The following JPH3 variants were observed in gnomAD, a reference collection of about 807,000 sequenced individuals.
The protein encoded by JPH3 is junctophilin-3.
In JPH3, 11 loss-of-function variants were observed where a neutral mutation model predicts 59.6. The observed-to-expected ratio is 0.18, with a 90% CI of 0.12 to 0.31. JPH3 has a LOEUF of 0.31. Ranked by LOEUF, JPH3 falls within the 10% of genes least tolerant of loss-of-function variation. The pLI is 1.00. For synonymous variants in JPH3, 673 were observed against 483.6 expected (o/e 1.39, Z -5.14); for missense variants, 1,202 against 1,105.7 (o/e 1.09, Z -1.24).
At chr16:87,651,647 G>A (rs1035678290) in intron 2 of JPH3, among the ~76,000 whole-genome samples, 2 of 152,268 alleles carry the variant, frequency 1.3e-5, no homozygotes, top group Non-Finnish European at 2.9e-5. Context: ...ATTAGAAGCG[G>A]AGCCTGCCGA....
intron 1 of JPH3, among the ~76,000 whole-genome samples, chr16:87,620,489 GA>G (rs1484086916): frequency 2.1e-5 from 2 of 95,034 alleles, no homozygotes; most frequent in East Asian, 5.8e-4. Context: ...AAGAGAGGGA[GA>G]GGGGGAGGGG....
chr16:87,665,635 G>A (rs1032010645), intron 2 of JPH3, among the ~76,000 whole-genome samples: 3 of 152,222 alleles, frequency 2.0e-5, no homozygotes, highest in African/African-American at 7.2e-5. Context: ...TCACTTGCAG[G>A]TGAGGGTCCT....
chr16:87,651,260 C>T (rs928767748), intron 2 of JPH3, among the ~76,000 whole-genome samples: 3 of 152,164 alleles, frequency 2.0e-5, no homozygotes, highest in African/African-American at 7.2e-5. Context: ...TACTACTCAC[C>T]CCGGAGCGCC....
chr16:87,673,007 G>A lies in JPH3; in HGVS notation c.1161-11135G>A, dbSNP rs149714439. On this transcript the variant is annotated intron_variant, in intron 2 of 4. Coordinates refer to ENST00000284262, the MANE Select transcript of JPH3 (RefSeq NM_020655.4). ...TAAAAATACAAAAAATTACCTTTGC[G>A]TGGTAGCACGTGCACGTAATCCCGG... Among the ~76,000 whole-genome samples the A allele has an allele frequency of 1.2e-4, 18 of 152,206 alleles. No homozygotes were observed. The East Asian group carries it at 3.3e-3, about 28-fold the overall frequency.
chr16:87,686,050 C>T (rs1393392576), intron 3 of JPH3, among the ~76,000 whole-genome samples: 1 of 152,146 alleles, frequency 6.6e-6, no homozygotes, highest in Non-Finnish European at 1.5e-5. Context: ...TCAGAGATCA[C>T]TGGAGACTCC....
rs140353812 is a variant in JPH3, at chr16:87,685,461, C to A, written c.1285+1195C>A. 3.1e-3 allele frequency among the ~76,000 whole-genome samples: 479 copies of A among 152,398 alleles called. 2 individuals are homozygous for A. Among genetic ancestry groups the A allele is most frequent in the Middle Eastern group, 0.024 (7 of 294 alleles). ...TCGCCCTCAGGCCCTGAGTTTCCTTCTCCCTGGGGCCCCTCCTTGCCTCGC... is the reference window on the plus strand; with the variant it reads ...TCGCCCTCAGGCCCTGAGTTTCCTTATCCCTGGGGCCCCTCCTTGCCTCGC... On this transcript the variant is annotated intron_variant, in intron 3 of 4. Transcript: ENST00000284262.
Position 87,604,841 on chromosome 16 carries a change from C to T in JPH3, c.382+1313C>T, listed in dbSNP as rs1042322034. On this transcript the variant is annotated intron_variant, in intron 1 of 4. Coordinates refer to ENST00000284262, the MANE Select transcript of JPH3 (RefSeq NM_020655.4). ...ATATAATGCTCCTGCCTGTCAAAGC[C>T]GTGCCCAGCCCCGGTCTCAGGCGGC... is the stretch of plus-strand genomic sequence containing the variant. 2.6e-5 allele frequency: 10 copies of T among 387,346 alleles called. No individual in the cohort carries two copies. In the East Asian group the frequency reaches 6.1e-4, roughly 23 times the overall value. 24.0% of individuals were successfully genotyped at this position (387,346 alleles called of 1,614,324 possible).
intron 1 of JPH3, 35 bp from the exon 2 acceptor site, chr16:87,644,223 G>A (rs1372143451): frequency 1.0e-5 from 16 of 1,568,260 alleles, no homozygotes; most frequent in East Asian, 4.5e-5. Flanking sequence ...CTCCTCTGTC[G>A]CTGGGCACTC....
chr16:87,614,625 C>T (rs1346169613), intron 1 of JPH3, among the ~76,000 whole-genome samples: 3 of 149,892 alleles, frequency 2.0e-5, no homozygotes, highest in Non-Finnish European at 4.4e-5. Flanking sequence ...TCCCTGCACA[C>T]AAGGGGGTCT....
intron 2 of JPH3, among the ~76,000 whole-genome samples, chr16:87,680,193 G>A (rs2033251640): frequency 6.6e-6 from 1 of 152,244 alleles, no homozygotes; most frequent in Non-Finnish European, 1.5e-5. Flanking sequence ...GCTTCCTCTG[G>A]CGGAGGGAGG....
Position 87,644,650 on chromosome 16 carries a change from G to C in JPH3, c.775G>C (p.Asp259His), listed in dbSNP as rs376022547. 1 of 1,611,724 alleles carries C rather than the reference G, an allele frequency of 6.2e-7. No homozygotes were observed. The highest frequency in any genetic ancestry group is 2.2e-5 in the East Asian group (1 of 44,818). Residue 259 changes from aspartate (D) to histidine (H), a missense_variant, in exon 2 of 5, where the codon GAC becomes CAC. Transcript: ENST00000284262. ...GAGCACCGTCAGCTCCACGGCCAGC[G>C]ACATCCACTCCACCATCAGCCTGGG... ...GMSTVSSTAS[D>H]IHSTISLGEA...
chr16:87,637,925 T>A (rs1032051950), intron 1 of JPH3, among the ~76,000 whole-genome samples: 11 of 151,298 alleles, frequency 7.3e-5, no homozygotes, highest in East Asian at 1.9e-4. Context: ...AAAAAAAAAA[T>A]TTTTTTTTGA....
intron 1 of JPH3, among the ~76,000 whole-genome samples, chr16:87,613,705 T>C (rs8058519): frequency 0.03 from 4,627 of 152,294 alleles, 210 homozygotes; most frequent in African/African-American, 0.1. Flanking sequence ...GGGCTGACTG[T>C]GTATGATAAC....
chr16:87,613,961 G>A (rs753437006), intron 1 of JPH3, among the ~76,000 whole-genome samples: 1 of 152,094 alleles, frequency 6.6e-6, no homozygotes, highest in Non-Finnish European at 1.5e-5. Context: ...AATTGTTTCC[G>A]GCGCTCCGAG....
rs538158403 is a variant in JPH3, at chr16:87,674,282, C to T, written c.1161-9860C>T. ...CCGGGAGGTGGAGCTTGCAGTGAGC[C>T]GAGATCGCGCCACTGACTCCAGCCT... On this transcript the variant is annotated intron_variant, in intron 2 of 4. Coordinates refer to ENST00000284262, the MANE Select transcript of JPH3 (RefSeq NM_020655.4). Among the ~76,000 whole-genome samples the T allele has an allele frequency of 4.6e-5, 7 of 151,904 alleles. No individual in the cohort carries two copies. In the East Asian group the frequency reaches 1.2e-3, roughly 25 times the overall value.
At chr16:87,691,197 G>A (rs370171306) in intron 4 of JPH3, among the ~76,000 whole-genome samples, 1 of 152,194 alleles carries the variant, frequency 6.6e-6, no homozygotes, top group Non-Finnish European at 1.5e-5. Context: ...CTCGGTGTGC[G>A]AGGCTGGGGG....
intron 1 of JPH3, among the ~76,000 whole-genome samples, chr16:87,622,384 G>A (rs570525739): frequency 1.4e-4 from 21 of 152,348 alleles, no homozygotes; most frequent in Middle Eastern, 3.4e-3. Flanking sequence ...GAGTGAGAAC[G>A]GGTGCTGCTG....
chr16:87,686,799 G>C (rs747485964), intron 3 of JPH3, among the ~76,000 whole-genome samples: 2 of 152,200 alleles, frequency 1.3e-5, no homozygotes, highest in African/African-American at 2.4e-5. Context: ...TGCCTCCTCC[G>C]ACAGTTCTTG....
chr16:87,638,841 C>T (rs2031844295), intron 1 of JPH3, among the ~76,000 whole-genome samples: 1 of 151,646 alleles, frequency 6.6e-6, no homozygotes, highest in African/African-American at 2.4e-5. Context: ...CTGACCCCAG[C>T]CTGGCGTCAC....
Sources: allele counts gnomAD v4.1 joint callset (sites outside exome capture counted in the v4.1 genomes callset), GRCh38; gene constraint gnomAD v4.1.1; transcripts MANE v1.5; gene names NCBI Gene and HGNC (gene_info 2026-07-23, HGNC 2026-07-21).